Variants in FBXL17 observed in about 807,000 individuals in gnomAD.
FBXL17 encodes F-box/LRR-repeat protein 17.
Under a neutral mutation model 66.2 loss-of-function variants are expected in FBXL17, and 22 were observed. The ratio of observed to expected loss-of-function variants is 0.33; its 90% confidence interval spans 0.24 to 0.47. FBXL17 has a LOEUF of 0.47. Ranked by LOEUF, FBXL17 falls within the 20% of genes least tolerant of loss-of-function variation. The pLI is 1.00. For missense variants in FBXL17, 878 were observed against 948.2 expected, an observed-to-expected ratio of 0.93 and a Z score of 0.97; for synonymous variants, 474 against 400.5, an observed-to-expected ratio of 1.18 and a Z score of -2.19.
chr5:108,145,289 A>C (rs1216165288), intron 6 of FBXL17, among the ~76,000 whole-genome samples: 1 of 152,152 alleles, frequency 6.6e-6, no homozygotes, highest in Admixed American at 6.5e-5. Context: ...TAAAACAATG[A>C]ACTTAATAAA....
At chr5:108,277,175 T>C (rs75897298) in intron 4 of FBXL17, among the ~76,000 whole-genome samples, 2,342 of 152,268 alleles carry the variant, frequency 0.015, 70 homozygotes, top group African/African-American at 0.052. Context: ...TGCATTTTTA[T>C]CATTTGTTAA....
At chr5:108,211,186 C>T (rs1301199196) in intron 5 of FBXL17, among the ~76,000 whole-genome samples, 6 of 152,112 alleles carry the variant, frequency 3.9e-5, no homozygotes, top group Admixed American at 3.9e-4. Context: ...AATATTCCTC[C>T]ATCCCTTCCC....
At chr5:108,288,044 A>G (rs1757966854) in intron 4 of FBXL17, among the ~76,000 whole-genome samples, 1 of 152,104 alleles carries the variant, frequency 6.6e-6, no homozygotes, top group African/African-American at 2.4e-5. Flanking sequence ...GTTCTCACTT[A>G]TAAGTGGGAG....
chr5:107,938,935 G>A (rs946123003), intron 7 of FBXL17, among the ~76,000 whole-genome samples: 1 of 151,966 alleles, frequency 6.6e-6, no homozygotes, highest in Admixed American at 6.6e-5. Context: ...GTATTTCTAG[G>A]ACCTTTACAA....
intron 6 of FBXL17, among the ~76,000 whole-genome samples, chr5:108,121,536 T>A (rs115850511): frequency 0.013 from 1,987 of 152,174 alleles, 43 homozygotes; most frequent in African/African-American, 0.044. Flanking sequence ...GCTACATAAA[T>A]CTAATTGATA....
chr5:107,872,208 T>C (rs1044111059), intron 8 of FBXL17, among the ~76,000 whole-genome samples: 1 of 152,206 alleles, frequency 6.6e-6, no homozygotes, highest in African/African-American at 2.4e-5. Context: ...ATCAGGGCAT[T>C]GCAGGGCTGG....
intron 4 of FBXL17, among the ~76,000 whole-genome samples, chr5:108,272,648 C>T (rs1757323578): frequency 6.6e-6 from 1 of 152,072 alleles, no homozygotes; most frequent in Non-Finnish European, 1.5e-5. Flanking sequence ...GCTACCACAC[C>T]CGGCCATTAG....
chr5:108,058,359 C>A (rs2112838608), intron 6 of FBXL17, among the ~76,000 whole-genome samples: 1 of 152,286 alleles, frequency 6.6e-6, no homozygotes, highest in South Asian at 2.1e-4. Context: ...CCAAGATATG[C>A]ACTCTTACTA....
chr5:107,879,876 C>T, intron 8 of FBXL17: 1 of 985,450 alleles, frequency 1.0e-6, no homozygotes, highest in Non-Finnish European at 1.2e-6. Flanking sequence ...GTTGTGCCAG[C>T]AGCACTGGAT....
intron 7 of FBXL17, among the ~76,000 whole-genome samples, chr5:107,963,878 G>A (rs907311662): frequency 8.6e-5 from 13 of 151,990 alleles, no homozygotes; most frequent in Non-Finnish European, 1.8e-4. Context: ...AAAAATTGTA[G>A]GAAATAGATT....
At chr5:108,246,032 C>T (rs1372598278) in intron 4 of FBXL17, among the ~76,000 whole-genome samples, 2 of 152,168 alleles carry the variant, frequency 1.3e-5, no homozygotes, top group Admixed American at 6.5e-5. Context: ...CAATGTCTGT[C>T]TCTCCCACAC....
intron 4 of FBXL17, among the ~76,000 whole-genome samples, chr5:108,280,919 AAG>A (rs137931377): frequency 0.027 from 4,168 of 151,924 alleles, 205 homozygotes; most frequent in African/African-American, 0.095. Context: ...TAAAAAGAGA[AAG>A]AGAGAGGGGG....
At chr5:108,142,824 G>A (rs1751403121) in intron 6 of FBXL17, among the ~76,000 whole-genome samples, 1 of 152,044 alleles carries the variant, frequency 6.6e-6, no homozygotes, top group African/African-American at 2.4e-5. Flanking sequence ...ATCAGCAGCA[G>A]CAGCAGGGGC....
chr5:108,011,175 C>T (rs2112739959), intron 7 of FBXL17, among the ~76,000 whole-genome samples: 1 of 152,282 alleles, frequency 6.6e-6, no homozygotes, highest in African/African-American at 2.4e-5. Context: ...CAAAATAAAT[C>T]ATGTGTTATG....
At chr5:107,994,709 G>A (rs907632108) in intron 7 of FBXL17, among the ~76,000 whole-genome samples, 1 of 151,786 alleles carries the variant, frequency 6.6e-6, no homozygotes. Flanking sequence ...GCGGTGGCAG[G>A]TGCCTATAAT....
chr5:108,157,616 G>C (rs1424044284), intron 6 of FBXL17, among the ~76,000 whole-genome samples: 1 of 150,570 alleles, frequency 6.6e-6, no homozygotes, highest in African/African-American at 2.4e-5. Flanking sequence ...AAAATCTGTA[G>C]GTAAATTATT....
At chr5:108,267,622 T>A (rs1228440741) in intron 4 of FBXL17, among the ~76,000 whole-genome samples, 1 of 152,066 alleles carries the variant, frequency 6.6e-6, no homozygotes, top group Admixed American at 6.6e-5. Context: ...GTGCCTATTC[T>A]GGGGCAGGCA....
chr5:107,995,133 T>C (rs181401573), intron 7 of FBXL17, among the ~76,000 whole-genome samples: 105 of 152,200 alleles, frequency 6.9e-4, no homozygotes, highest in Admixed American at 1.6e-3. Flanking sequence ...TTTACATCAA[T>C]AAAAAGATTT....
intron 7 of FBXL17, among the ~76,000 whole-genome samples, chr5:107,929,655 T>G (rs1043574878): frequency 4.6e-5 from 7 of 152,074 alleles, no homozygotes. Context: ...TATGAAACAA[T>G]GATTCCAAGA....
Sources: gnomAD v4.1 joint callset for allele counts (sites outside exome capture counted in the v4.1 genomes callset) on GRCh38, gnomAD v4.1.1 for gene constraint, MANE v1.5 for transcripts, NCBI Gene and HGNC (gene_info 2026-07-23, HGNC 2026-07-21) for gene names.